PLPP1: variants seen among roughly 807,000 people sequenced by gnomAD.
PLPP1 encodes the protein lipid phosphate phosphohydrolase 1a.
In PLPP1, 24 loss-of-function variants were observed where a neutral mutation model predicts 31.2. The observed-to-expected ratio is 0.77, with a 90% confidence interval of 0.56 to 1.08. The LOEUF (loss-of-function observed/expected upper bound fraction) is 1.08. Ranked by LOEUF, PLPP1 falls within the 50% of genes least tolerant of loss-of-function variation. PLPP1 has a pLI of 0.00. For synonymous variants in PLPP1, 146 were observed against 126.3 expected, an observed-to-expected ratio of 1.16 and a Z score of -1.05; for missense variants, 319 against 342.7, an observed-to-expected ratio of 0.93 and a Z score of 0.55.
chr5:55,501,280 T>G (rs1372244553), intron 1 of PLPP1, among the ~76,000 whole-genome samples: 1 of 151,852 alleles, frequency 6.6e-6, no homozygotes, highest in Non-Finnish European at 1.5e-5. Flanking sequence ...GCCATTGCAC[T>G]CCAGCCTGGA....
intron 4 of PLPP1, 40 bp from the exon 5 acceptor site, chr5:55,426,079 A>G (rs368115145): frequency 2.0e-6 from 3 of 1,504,752 alleles, no homozygotes; most frequent in African/African-American, 1.4e-5. Flanking sequence ...TTTATTTAAC[A>G]TAACGCAAAA....
intron 4 of PLPP1, among the ~76,000 whole-genome samples, chr5:55,430,098 C>A (rs1365562380): frequency 6.6e-6 from 1 of 152,146 alleles, no homozygotes; most frequent in East Asian, 1.9e-4. Context: ...CATGCACCAC[C>A]TATGGGCCTG....
intron 1 of PLPP1, among the ~76,000 whole-genome samples, chr5:55,488,353 C>T (rs1425373357): frequency 6.6e-6 from 1 of 151,526 alleles, no homozygotes; most frequent in Non-Finnish European, 1.5e-5. Flanking sequence ...GATATAAAAA[C>T]TGTCAAACTA....
chr5:55,461,778 A>G (rs1390311322), intron 3 of PLPP1, among the ~76,000 whole-genome samples: 1 of 152,202 alleles, frequency 6.6e-6, no homozygotes, highest in Non-Finnish European at 1.5e-5. Context: ...AAAGAAGTAC[A>G]GCTCTCTTTA....
chr5:55,533,477 G>A (rs1740754827), intron 1 of PLPP1, among the ~76,000 whole-genome samples: 1 of 152,052 alleles, frequency 6.6e-6, no homozygotes, highest in African/African-American at 2.4e-5. Flanking sequence ...AGATTGCAAG[G>A]GCCTAAATGA....
intron 3 of PLPP1, among the ~76,000 whole-genome samples, chr5:55,454,841 G>A (rs373707060): frequency 7.2e-4 from 109 of 152,254 alleles, no homozygotes; most frequent in African/African-American, 2.6e-3. Context: ...GAATCCTTTA[G>A]CATCATAAAT....
At chr5:55,515,814 T>G (rs1438605371) in intron 1 of PLPP1, among the ~76,000 whole-genome samples, 2 of 152,138 alleles carry the variant, frequency 1.3e-5, no homozygotes, top group African/African-American at 4.8e-5. Context: ...TCCTTTTCAT[T>G]TTATAACTTC....
chr5:55,471,290 C>T (rs1295235760), intron 2 of PLPP1, among the ~76,000 whole-genome samples: 2 of 151,804 alleles, frequency 1.3e-5, no homozygotes, highest in Non-Finnish European at 2.9e-5. Flanking sequence ...CAACCTCCGC[C>T]TCCCAGGTTC....
chr5:55,486,858 A>C (rs1410055479), intron 1 of PLPP1, among the ~76,000 whole-genome samples: 1 of 152,122 alleles, frequency 6.6e-6, no homozygotes, highest in Non-Finnish European at 1.5e-5. Flanking sequence ...GGTTGCAGTG[A>C]GCCAAAATCG....
Position 55,530,970 on chromosome 5 carries a change from G to A in PLPP1, c.58+3602C>T, listed in dbSNP as rs17696663. ...GCGGCCGAGGTGACGGTGACGGCCC[G>A]GGGCTCGATGCCCTACAACAACATC... On this transcript the variant is annotated intron_variant, in intron 1 of 5. Coordinates refer to ENST00000307259, the MANE Select transcript of PLPP1 (RefSeq NM_003711.4). Among the ~76,000 whole-genome samples the A allele has an allele frequency of 5.9e-3, 899 of 152,276 alleles. 23 individuals are homozygous for A. The highest frequency in any genetic ancestry group is 0.045 in the Admixed American group (695 of 15,276).
intron 1 of PLPP1, among the ~76,000 whole-genome samples, chr5:55,521,812 T>C (rs1022044390): frequency 6.6e-6 from 1 of 152,238 alleles, no homozygotes; most frequent in Non-Finnish European, 1.5e-5. Flanking sequence ...ATGAGGCTAA[T>C]ACTATGTACC....
At chr5:55,511,650 G>GTTTTTTTT (rs1158182340) in intron 1 of PLPP1, among the ~76,000 whole-genome samples, 9 of 51,498 alleles carry the variant, frequency 1.7e-4, no homozygotes, top group African/African-American at 7.2e-4. Flanking sequence ...CACGTGTTGA[G>GTTTTTTTT]TTTTTTTTTT....
At chr5:55,439,050 T>C (rs1751562126) in intron 4 of PLPP1, among the ~76,000 whole-genome samples, 1 of 152,230 alleles carries the variant, frequency 6.6e-6, no homozygotes, top group Non-Finnish European at 1.5e-5. Flanking sequence ...TCTGGCCTGC[T>C]TTCTTCTCCA....
intron 1 of PLPP1, among the ~76,000 whole-genome samples, chr5:55,494,733 G>C (rs998721263): frequency 6.6e-6 from 1 of 152,024 alleles, no homozygotes; most frequent in African/African-American, 2.4e-5. Flanking sequence ...CTATCACGCT[G>C]TACTTTAACT....
At chr5:55,430,692 T>C (rs1346188116) in intron 4 of PLPP1, among the ~76,000 whole-genome samples, 1 of 152,110 alleles carries the variant, frequency 6.6e-6, no homozygotes, top group Non-Finnish European at 1.5e-5. Context: ...GAAGGAAATA[T>C]GACACTTCCA....
At chr5:55,504,524 CAAAAAAAAAA>C (rs70995703) in intron 1 of PLPP1, among the ~76,000 whole-genome samples, 1 of 54,286 alleles carries the variant, frequency 1.8e-5, no homozygotes, top group East Asian at 5.6e-4. Context: ...GACTCCATCT[CAAAAAAAAAA>C]AAAAAAAAAA....
intron 1 of PLPP1, among the ~76,000 whole-genome samples, chr5:55,533,699 T>G (rs1310357232): frequency 2.0e-5 from 3 of 152,246 alleles, no homozygotes; most frequent in Non-Finnish European, 4.4e-5. Context: ...GCTTTGTTTT[T>G]GTTTATTCCA....
At chr5:55,530,130 C>G in intron 1 of PLPP1, 1 of 1,171,058 alleles carries the variant, frequency 8.5e-7, no homozygotes, top group Non-Finnish European at 1.3e-6. Context: ...CTTGCAGGTA[C>G]AAAGATGCAG....
At chr5:55,525,129 T>TA (rs1314393873) in intron 1 of PLPP1, among the ~76,000 whole-genome samples, 3 of 152,226 alleles carry the variant, frequency 2.0e-5, no homozygotes, top group Admixed American at 6.5e-5. Flanking sequence ...AGAAACATTT[T>TA]AAAGTTTGTG....
Sources: allele counts gnomAD v4.1 joint callset (sites outside exome capture counted in the v4.1 genomes callset), GRCh38; gene constraint gnomAD v4.1.1; transcripts MANE v1.5; gene names NCBI Gene and HGNC (gene_info 2026-07-23, HGNC 2026-07-21).